FBXL2: variants seen among roughly 807,000 people sequenced by gnomAD.
FBXL2 encodes the protein F-box/LRR-repeat protein 2.
FBXL2 carries 38 observed loss-of-function variants against 69.2 expected under a neutral mutation model. That is an observed-to-expected ratio of 0.55 (90% confidence interval 0.42 to 0.72). The LOEUF (loss-of-function observed/expected upper bound fraction) is 0.72. Among genes scored for constraint, FBXL2 ranks in the 30% least tolerant of loss-of-function variants. FBXL2 has a pLI of 0.00. For synonymous variants in FBXL2, 192 were observed against 201.3 expected (o/e 0.95, Z 0.39); for missense variants, 354 against 520.3 (o/e 0.68, Z 3.11).
downstream of FBXL2, chr3:33,392,618 G>A: frequency 6.2e-7 from 1 of 1,609,546 alleles, no homozygotes; most frequent in Non-Finnish European, 8.5e-7. Flanking sequence ...GAACCATCTG[G>A]AAGGATAAAG....
chr3:33,315,801 T>A (rs1320942287), intron 2 of FBXL2, among the ~76,000 whole-genome samples: 2 of 152,190 alleles, frequency 1.3e-5, no homozygotes, highest in East Asian at 3.8e-4. Context: ...CTTTCTGGTA[T>A]GTTTTAATCA....
At chr3:33,317,601 C>A (rs991480887) in intron 2 of FBXL2, 2 of 444,762 alleles carry the variant, frequency 4.5e-6, no homozygotes, top group African/African-American at 4.0e-5. Flanking sequence ...CCCGCCTTAT[C>A]CTAGCAGTAG....
At position 33,387,026 on chromosome 3, in the gene FBXL2, A is replaced by G. The variant is rs144909580; in HGVS notation, c.*1418A>G. Reference sequence around the variant, plus strand: ...ATGTCAGCTGCATTCTAGGAAGAGAAGCAGATTATATATATATATAATCTC... The same window carrying G: ...ATGTCAGCTGCATTCTAGGAAGAGAGGCAGATTATATATATATATAATCTC... On this transcript the variant is annotated 3_prime_UTR_variant, in exon 15 of 15. Transcript: ENST00000484457. The G allele has an allele frequency of 5.3e-5, 8 of 152,306 alleles. No homozygotes were observed. Among genetic ancestry groups the G allele is most frequent in the Non-Finnish European group, 1.0e-4 (7 of 68,018 alleles). 9.4% of individuals were successfully genotyped at this position (152,306 alleles called of 1,614,324 possible). A position where few individuals can be genotyped will look rare whatever the true frequency, so the allele number is the denominator to read the frequency against.
intron 12 of FBXL2, chr3:33,401,016 G>T (rs1248054301): frequency 6.3e-7 from 1 of 1,589,158 alleles, no homozygotes; most frequent in African/African-American, 1.4e-5. Flanking sequence ...AAGAAGAATT[G>T]CTGGGGAGAA....
At chr3:33,382,053 C>A (rs755610545) in intron 13 of FBXL2, among the ~76,000 whole-genome samples, 1 of 152,182 alleles carries the variant, frequency 6.6e-6, no homozygotes. Context: ...GGGGCTGTTA[C>A]AACCAGTACT....
At chr3:33,366,970 T>C (rs188186840) in intron 5 of FBXL2, among the ~76,000 whole-genome samples, 1 of 152,174 alleles carries the variant, frequency 6.6e-6, no homozygotes, top group Admixed American at 6.6e-5. Flanking sequence ...AAAACAATTT[T>C]AAAAAATTCT....
chr3:33,352,677 C>G (rs1050671645), intron 2 of FBXL2, among the ~76,000 whole-genome samples: 12 of 152,212 alleles, frequency 7.9e-5, no homozygotes, highest in Non-Finnish European at 1.3e-4. Context: ...GGGCAGATCA[C>G]TTAAGGTCAG....
intron 9 of FBXL2, among the ~76,000 whole-genome samples, chr3:33,374,571 A>G (rs917712393): frequency 1.3e-5 from 2 of 152,180 alleles, no homozygotes; most frequent in Non-Finnish European, 2.9e-5. Flanking sequence ...AGTGGTGGGG[A>G]AAAAAACCAG....
intron 2 of FBXL2, among the ~76,000 whole-genome samples, chr3:33,315,304 TTC>T (rs953954832): frequency 2.0e-5 from 3 of 151,586 alleles, no homozygotes; most frequent in Admixed American, 6.6e-5. Flanking sequence ...GTTTCTCTCT[TTC>T]TCTTTCTCTC....
At chr3:33,300,445 CAGAA>C (rs1035227919) in intron 2 of FBXL2, 1 of 152,122 alleles carries the variant, frequency 6.6e-6, no homozygotes, top group Non-Finnish European at 1.5e-5. Context: ...GATCACTTTT[CAGAA>C]AGAATTGCCA....
At chr3:33,393,231 CAG>C in intron 12 of FBXL2, 1 of 1,380,718 alleles carries the variant, frequency 7.2e-7, no homozygotes, top group Middle Eastern at 2.0e-4. Context: ...AAAGAGGTCA[CAG>C]AATTTTTCTA....
At chr3:33,297,616 A>G (rs777981709) in intron 1 of FBXL2, 48 bp from the exon 2 acceptor site, 7 of 1,207,522 alleles carry the variant, frequency 5.8e-6, no homozygotes, top group African/African-American at 1.5e-5. Context: ...TTTTTTCCAC[A>G]TTGATTAAAG....
chr3:33,419,803 C>T, the FBXL2 span, among the ~76,000 whole-genome samples: 1 of 152,138 alleles, frequency 6.6e-6, no homozygotes, highest in Non-Finnish European at 1.5e-5. Flanking sequence ...AATACCACGG[C>T]TTCCTGAAAC....
In FBXL2 at chr3:33,364,606, C is replaced by A. The variant is rs759925134; in HGVS notation, c.196-19C>A. ...ATGAAAAAACAGTATTTTTTCCTCC[C>A]GAACTTTCTTGATTAAAGGGTCGAG... On this transcript the variant is annotated intron_variant, in intron 4 of 14. Coordinates refer to ENST00000484457, the MANE Select transcript of FBXL2 (RefSeq NM_012157.5). 2 of 1,607,420 alleles carry A rather than the reference C, an allele frequency of 1.2e-6. No individual in the cohort carries two copies. The highest frequency in any genetic ancestry group is 1.7e-6 in the Non-Finnish European group (2 of 1,175,038).
intron 12 of FBXL2, chr3:33,393,472 AAAAG>A (rs1410416152): frequency 6.3e-7 from 1 of 1,595,216 alleles, no homozygotes; most frequent in Non-Finnish European, 8.5e-7. Context: ...TAAAAAAAAA[AAAAG>A]AAAAGCATTT....
intron 2 of FBXL2, among the ~76,000 whole-genome samples, chr3:33,353,455 C>T (rs1209336886): frequency 6.6e-6 from 1 of 152,170 alleles, no homozygotes; most frequent in East Asian, 1.9e-4. Flanking sequence ...AATAAAACAC[C>T]GTAAGTTATC....
intron 2 of FBXL2, among the ~76,000 whole-genome samples, chr3:33,311,199 C>G: frequency 6.6e-6 from 1 of 151,870 alleles, no homozygotes; most frequent in South Asian, 2.1e-4. Flanking sequence ...ACAATCCTCT[C>G]TTTCTTTAAT....
At chr3:33,356,456 TCTC>T (rs1363873229) in intron 2 of FBXL2, among the ~76,000 whole-genome samples, 3 of 152,116 alleles carry the variant, frequency 2.0e-5, no homozygotes, top group Admixed American at 2.0e-4. Flanking sequence ...TTCAAGCGAT[TCTC>T]CTGCCTCAGC....
At chr3:33,409,236 C>T in the FBXL2 span, 1 of 1,613,582 alleles carries the variant, frequency 6.2e-7, no homozygotes, top group Non-Finnish European at 8.5e-7. Flanking sequence ...ACTACATTAC[C>T]TCTGTGAGGA....
Sources: gnomAD v4.1 joint callset for allele counts (sites outside exome capture counted in the v4.1 genomes callset) on GRCh38, gnomAD v4.1.1 for gene constraint, MANE v1.5 for transcripts, NCBI Gene and HGNC (gene_info 2026-07-23, HGNC 2026-07-21) for gene names.